The following RBFOX1 variants were observed in gnomAD, a reference collection of about 807,000 sequenced individuals.
RBFOX1 encodes RNA binding protein fox-1 homolog 1.
In RBFOX1, 8 loss-of-function variants were observed where a neutral mutation model predicts 57.7. The ratio of observed to expected loss-of-function variants is 0.14; its 90% CI spans 0.08 to 0.25. The LOEUF (loss-of-function observed/expected upper bound fraction) is 0.25. Ranked by LOEUF, RBFOX1 falls within the 10% of genes least tolerant of loss-of-function variation. The pLI is 1.00. For missense variants in RBFOX1, 611 were observed against 548.5 expected (o/e 1.11, Z -1.14); for synonymous variants, 326 against 222.4 (o/e 1.47, Z -4.15).
At chr16:7,708,058 A>C (rs1217442864) in intron 14 of RBFOX1, among the ~76,000 whole-genome samples, 1 of 152,188 alleles carries the variant, frequency 6.6e-6, no homozygotes, top group Non-Finnish European at 1.5e-5. Context: ...TTCAAGTATC[A>C]GGCTGAGTGC....
intron 4 of RBFOX1, among the ~76,000 whole-genome samples, chr16:7,433,198 C>G (rs974242890): frequency 6.6e-6 from 1 of 152,188 alleles, no homozygotes; most frequent in Non-Finnish European, 1.5e-5. Context: ...TCTATAAAAT[C>G]TCTTGTCTTT....
chr16:6,662,312 G>T (rs953266914), intron 3 of RBFOX1, among the ~76,000 whole-genome samples: 1 of 152,088 alleles, frequency 6.6e-6, no homozygotes, highest in Non-Finnish European at 1.5e-5. Flanking sequence ...GTGAGATGAT[G>T]GATATGTTAA....
chr16:6,902,189 GT>G lies in RBFOX1; in HGVS notation c.-15-149866del, dbSNP rs754842021. Among the ~76,000 whole-genome samples, 5 of 152,258 alleles carry G rather than the reference GT, an allele frequency of 3.3e-5. No individual in the cohort carries two copies. In the East Asian group the frequency reaches 5.8e-4, roughly 18 times the overall value. ...GATATTCATTGTTCTACCTCATGTG[GT>G]TCTTGATGTCTTCATTTTTTGGAAA... is the stretch of plus-strand genomic sequence containing the variant. On this transcript the variant is annotated intron_variant, in intron 3 of 15. Coordinates refer to ENST00000550418, the MANE Select transcript of RBFOX1 (RefSeq NM_018723.4).
At chr16:6,844,488 C>T (rs549870237) in intron 3 of RBFOX1, among the ~76,000 whole-genome samples, 3 of 152,142 alleles carry the variant, frequency 2.0e-5, no homozygotes, top group Non-Finnish European at 4.4e-5. Flanking sequence ...CCAACTCCAT[C>T]TATGTCTCTG....
At chr16:6,394,950 C>G (rs967710047) in intron 2 of RBFOX1, among the ~76,000 whole-genome samples, 11 of 152,164 alleles carry the variant, frequency 7.2e-5, no homozygotes, top group Non-Finnish European at 1.5e-4. Flanking sequence ...TACATTTGGT[C>G]TTCTCTCCAA....
intron 1 of RBFOX1, among the ~76,000 whole-genome samples, chr16:5,440,388 C>A (rs1325458053): frequency 6.6e-6 from 1 of 152,114 alleles, no homozygotes; most frequent in African/African-American, 2.4e-5. Flanking sequence ...GTTTAGAGAA[C>A]AGGGATAAAG....
Position 6,656,903 on chromosome 16 carries a change from CTCTCCTCT to C in RBFOX1, c.-16+2254_-16+2261del, listed in dbSNP as rs1568077845. On this transcript the variant is annotated intron_variant, in intron 3 of 15. Transcript: ENST00000550418. ...CTCTCCTCTCCTCTCCTCCCCTCAA[CTCTCCTCT>C]CCTCCCCTCTCCTCTCCTCCCCTCT... Among the ~76,000 whole-genome samples, 18 of 107,748 alleles carry C rather than the reference CTCTCCTCT, an allele frequency of 1.7e-4. 2 individuals are homozygous for C. The highest frequency in any genetic ancestry group is 7.0e-4 in the African/African-American group (17 of 24,448). 70.7% of individuals were successfully genotyped at this position (107,748 alleles called of 152,430 possible).
At chr16:7,270,717 C>G (rs542517067) in intron 4 of RBFOX1, among the ~76,000 whole-genome samples, 11 of 152,334 alleles carry the variant, frequency 7.2e-5, no homozygotes, top group African/African-American at 2.6e-4. Flanking sequence ...ACTACTGTTT[C>G]TTTCAGTAAT....
intron 1 of RBFOX1, among the ~76,000 whole-genome samples, chr16:6,247,451 G>C (rs1419828537): frequency 6.6e-6 from 1 of 152,160 alleles, no homozygotes; most frequent in East Asian, 1.9e-4. Flanking sequence ...TTAGGGAGAG[G>C]CAGTTAGCTC....
chr16:7,017,270 C>G (rs903256520), intron 3 of RBFOX1, among the ~76,000 whole-genome samples: 7 of 152,040 alleles, frequency 4.6e-5, no homozygotes, highest in African/African-American at 1.7e-4. Context: ...CTGCCAAGGC[C>G]CAAGTATAGA....
intron 4 of RBFOX1, among the ~76,000 whole-genome samples, chr16:7,062,915 T>TTTTTTTTTTTTTTA (rs1568605835): frequency 7.2e-6 from 1 of 139,252 alleles, no homozygotes; most frequent in African/African-American, 2.9e-5. Context: ...TTTTTTTTTT[T>TTTTTTTTTTTTTTA]TTTTTTTTTT....
intron 1 of RBFOX1, among the ~76,000 whole-genome samples, chr16:5,449,869 A>G (rs2068367680): frequency 6.6e-6 from 1 of 151,982 alleles, no homozygotes; most frequent in African/African-American, 2.4e-5. Context: ...CAGCCTCCCA[A>G]AGGTCTTGGA....
At chr16:7,293,436 G>T (rs2095832997) in intron 4 of RBFOX1, among the ~76,000 whole-genome samples, 1 of 152,172 alleles carries the variant, frequency 6.6e-6, no homozygotes. Context: ...TTTTTAAAAT[G>T]AGAATCACAT....
At chr16:7,025,046 G>C (rs1020870362) in intron 3 of RBFOX1, among the ~76,000 whole-genome samples, 2 of 152,090 alleles carry the variant, frequency 1.3e-5, no homozygotes, top group Non-Finnish European at 2.9e-5. Flanking sequence ...CAGATCTCCC[G>C]CAAGACAAGA....
intron 2 of RBFOX1, among the ~76,000 whole-genome samples, chr16:6,466,359 G>T (rs1041506823): frequency 3.6e-4 from 55 of 151,834 alleles, no homozygotes; most frequent in Non-Finnish European, 7.6e-4. Flanking sequence ...TTCCAGTTAT[G>T]GTGCGAGGTA....
At chr16:6,169,200 C>T (rs1045297351) in intron 1 of RBFOX1, among the ~76,000 whole-genome samples, 1 of 152,100 alleles carries the variant, frequency 6.6e-6, no homozygotes, top group African/African-American at 2.4e-5. Flanking sequence ...GCTCTAGGGT[C>T]ATTGACTTGG....
intron 1 of RBFOX1, among the ~76,000 whole-genome samples, chr16:6,200,722 A>G (rs577757441): frequency 6.6e-6 from 1 of 152,274 alleles, no homozygotes; most frequent in Admixed American, 6.5e-5. Flanking sequence ...ACACGTCTGA[A>G]GGGTTGTGTC....
At chr16:5,623,981 T>A (rs1426550201) in intron 3 of RBFOX1, among the ~76,000 whole-genome samples, 1 of 152,106 alleles carries the variant, frequency 6.6e-6, no homozygotes, top group Non-Finnish European at 1.5e-5. Flanking sequence ...CCCAAAGAAA[T>A]CCCATACCAA....
At chr16:6,332,727 T>C (rs1034713550) in intron 2 of RBFOX1, among the ~76,000 whole-genome samples, 4 of 152,264 alleles carry the variant, frequency 2.6e-5, no homozygotes, top group East Asian at 3.9e-4. Context: ...ATTTAGTGTA[T>C]AGGAGTCTAC....
Sources: gnomAD v4.1 joint callset for allele counts (sites outside exome capture counted in the v4.1 genomes callset) on GRCh38, gnomAD v4.1.1 for gene constraint, MANE v1.5 for transcripts, NCBI Gene and HGNC (gene_info 2026-07-23, HGNC 2026-07-21) for gene names.